The following ASAP1 variants were observed in gnomAD, a reference collection of about 807,000 sequenced individuals.
ASAP1 encodes the protein ArfGAP with SH3 domain, ankyrin repeat and PH domain 1, also known as arf-GAP with SH3 domain, ANK repeat and PH domain-containing protein 1.
A neutral mutation model predicts 145.2 loss-of-function variants in ASAP1; 43 were observed. That is an observed-to-expected ratio of 0.30 (90% confidence interval 0.23 to 0.38). The LOEUF (loss-of-function observed/expected upper bound fraction) is 0.38. Among genes scored for constraint, ASAP1 ranks in the 10% least tolerant of loss-of-function variants. ASAP1 has a pLI of 1.00. For missense variants in ASAP1, 1,018 were observed against 1,355.3 expected (o/e 0.75, Z 3.91); for synonymous variants, 546 against 515.5 (o/e 1.06, Z -0.80).
intron 3 of ASAP1, among the ~76,000 whole-genome samples, chr8:130,343,208 T>A (rs1398746487): frequency 6.6e-6 from 1 of 152,164 alleles, no homozygotes; most frequent in Non-Finnish European, 1.5e-5. Flanking sequence ...ACAAACTTAT[T>A]TCCATGGTAA....
chr8:130,228,362 C>T (rs912437457), intron 4 of ASAP1, among the ~76,000 whole-genome samples: 9 of 152,090 alleles, frequency 5.9e-5, no homozygotes, highest in African/African-American at 1.7e-4. Flanking sequence ...CCACAGAGAA[C>T]ACAGATGTGC....
At chr8:130,073,566 G>A (rs1592740122) in intron 27 of ASAP1, among the ~76,000 whole-genome samples, 1 of 152,208 alleles carries the variant, frequency 6.6e-6, no homozygotes, top group East Asian at 1.9e-4. Flanking sequence ...TAAGGGGGTC[G>A]GGAAGGAACT....
At chr8:130,385,252 G>A (rs2138426754) in intron 2 of ASAP1, among the ~76,000 whole-genome samples, 1 of 152,294 alleles carries the variant, frequency 6.6e-6, no homozygotes, top group East Asian at 1.9e-4. Flanking sequence ...GATCACTTGA[G>A]GTCAGGAGTT....
chr8:130,138,288 A>T (rs1259354274), intron 13 of ASAP1, among the ~76,000 whole-genome samples: 2 of 152,246 alleles, frequency 1.3e-5, no homozygotes, highest in Non-Finnish European at 2.9e-5. Flanking sequence ...CAATGAGATT[A>T]AACATAGAAA....
intron 4 of ASAP1, among the ~76,000 whole-genome samples, chr8:130,216,477 C>T (rs1816936159): frequency 6.6e-6 from 1 of 152,146 alleles, no homozygotes; most frequent in South Asian, 2.1e-4. Flanking sequence ...AACAATAACC[C>T]CCACTGCCTT....
intron 2 of ASAP1, among the ~76,000 whole-genome samples, chr8:130,364,066 T>TA (rs1565250566): frequency 3.3e-5 from 5 of 151,980 alleles, no homozygotes; most frequent in African/African-American, 4.8e-5. Context: ...TAATAATAAT[T>TA]AAAAAAAGCC....
In ASAP1 at chr8:130,112,253, G is replaced by C. The variant is rs1394159955; in HGVS notation, c.2242C>G (p.Gln748Glu). 2.5e-6 allele frequency: 4 copies of C among 1,614,008 alleles called. No homozygotes were observed. Among genetic ancestry groups the C allele is most frequent in the Non-Finnish European group, 3.4e-6 (4 of 1,179,994 alleles). ...AATCCTGGCAGTGCCAGCTTGTCCT[G>C]GGGGGAGATGCTGGAGGAGTGGCAG... ...SFCHSSSISP[Q>E]DKLALPGFST... Residue 748 changes from glutamine to glutamate, a missense_variant, in exon 24 of 30, where the codon CAG (glutamine) becomes GAG (glutamate). Transcript: ENST00000518721.
chr8:130,294,306 T>G (rs530006518), intron 3 of ASAP1, among the ~76,000 whole-genome samples: 14 of 152,328 alleles, frequency 9.2e-5, no homozygotes, highest in African/African-American at 3.4e-4. Context: ...TGAATGAGGG[T>G]AATGCCACGG....
At chr8:130,336,570 T>C (rs756816367) in intron 3 of ASAP1, among the ~76,000 whole-genome samples, 9 of 152,150 alleles carry the variant, frequency 5.9e-5, no homozygotes, top group African/African-American at 2.2e-4. Context: ...GCACTTTACA[T>C]GGGTAAAAGA....
intron 5 of ASAP1, among the ~76,000 whole-genome samples, chr8:130,193,857 C>CT (rs1386568090): frequency 1.1e-4 from 17 of 151,966 alleles, no homozygotes; most frequent in African/African-American, 2.9e-4. Flanking sequence ...ACAGTAAATC[C>CT]TTTTTTTTAA....
At chr8:130,070,562 A>C (rs1296493457) in intron 27 of ASAP1, among the ~76,000 whole-genome samples, 1 of 151,992 alleles carries the variant, frequency 6.6e-6, no homozygotes, top group Non-Finnish European at 1.5e-5. Flanking sequence ...GCTTATGGCA[A>C]AAGTGTTTTG....
chr8:130,376,749 A>T (rs889075415), intron 2 of ASAP1, among the ~76,000 whole-genome samples: 5 of 151,746 alleles, frequency 3.3e-5, no homozygotes, highest in South Asian at 4.2e-4. Flanking sequence ...AATAAATAAA[A>T]TAAATTAGCT....
intron 3 of ASAP1, among the ~76,000 whole-genome samples, chr8:130,336,907 A>C (rs2137862814): frequency 6.6e-6 from 1 of 152,322 alleles, no homozygotes; most frequent in East Asian, 1.9e-4. Context: ...CATAAACTAT[A>C]AATTTATGAA....
rs955595212 is a variant in ASAP1, at chr8:130,358,642, T to G, written c.60-499A>C. Among the ~76,000 whole-genome samples the G allele has an allele frequency of 6.8e-6, 1 of 146,750 alleles. No homozygotes were observed. Among genetic ancestry groups the G allele is most frequent in the African/African-American group, 2.5e-5 (1 of 40,786 alleles). ...GCGGGCGGGCGGGCGGCGCTCGCGC[T>G]GCAGTCACGGGGCCAAACAAGGAAG... On this transcript the variant is annotated intron_variant, in intron 2 of 29. Coordinates refer to ENST00000518721, the MANE Select transcript of ASAP1 (RefSeq NM_018482.4). This position sits in a 1 kb window ranked among gnomAD's most constrained non-coding sequence, Gnocchi z 4.1.
rs530823521 is a variant in ASAP1 at position 130,137,666 on chromosome 8, AG to A, written c.1081-629del. Among the ~76,000 whole-genome samples, 326 of 152,352 alleles carry A rather than the reference AG, an allele frequency of 2.1e-3. 1 individual carries two copies. The highest frequency in any genetic ancestry group is 7.5e-3 in the African/African-American group (313 of 41,590). ...AGTACAATGACAATTACTACCTGTGAGGCAATGCTTAATGAACCCCAATATC... is the reference window on the plus strand; with the variant it reads ...AGTACAATGACAATTACTACCTGTGAGCAATGCTTAATGAACCCCAATATC... On this transcript the variant is annotated intron_variant, in intron 13 of 29. Transcript: ENST00000518721.
chr8:130,356,717 G>C (rs1334957289), intron 3 of ASAP1, among the ~76,000 whole-genome samples: 6 of 152,106 alleles, frequency 3.9e-5, no homozygotes, highest in Admixed American at 3.9e-4. Context: ...AGGCCAGATG[G>C]GACCCAGCAC....
In ASAP1 at chr8:130,358,268, G is replaced by T. The variant is rs1450889393; in HGVS notation, c.60-125C>A. On this transcript the variant is annotated intron_variant, in intron 2 of 29. Coordinates refer to ENST00000518721, the MANE Select transcript of ASAP1 (RefSeq NM_018482.4). This position sits in a 1 kb window ranked among gnomAD's most constrained non-coding sequence, Gnocchi z 4.1. Reference sequence around the variant, plus strand: ...AGCCCGCCACCCGCCGCCCGGCCTGGCGCGCGGCTCCCGTCCCCGGCAGCG... The same window carrying T: ...AGCCCGCCACCCGCCGCCCGGCCTGTCGCGCGGCTCCCGTCCCCGGCAGCG... 1 of 686,114 alleles carries T rather than the reference G, an allele frequency of 1.5e-6. No individual in the cohort carries two copies. Among genetic ancestry groups the T allele is most frequent in the Admixed American group, 5.5e-5 (1 of 18,042 alleles). 42.5% of individuals were successfully genotyped at this position (686,114 alleles called of 1,614,324 possible).
rs61591724 is a variant in ASAP1 at position 130,097,126 on chromosome 8, CAAAAAAAAAAA to C, written c.2402-4994_2402-4984del. ...AGGAGACAGAGTGACAGTTAGTCTC[CAAAAAAAAAAA>C]AAAAAAAAAAAAAAAAAAAAAAAAG... On this transcript the variant is annotated intron_variant, in intron 24 of 29. Transcript: ENST00000518721. Among the ~76,000 whole-genome samples the C allele has an allele frequency of 3.0e-3, 161 of 53,564 alleles. 1 individual carries two copies. Among genetic ancestry groups the C allele is most frequent in the African/African-American group, 0.011 (132 of 12,340 alleles). The allele number at this position is 53,564 out of a possible 152,430, so 35.1% of individuals were successfully genotyped here. A position where few individuals can be genotyped will look rare whatever the true frequency, so the allele number is the denominator to read the frequency against.
chr8:130,074,232 T>C (rs914851025), intron 27 of ASAP1, among the ~76,000 whole-genome samples: 7 of 152,052 alleles, frequency 4.6e-5, no homozygotes, highest in African/African-American at 1.7e-4. Flanking sequence ...AGTAATAGAA[T>C]TGCGTATGTA....
Sources: gnomAD v4.1 joint callset for allele counts (sites outside exome capture counted in the v4.1 genomes callset) on GRCh38, gnomAD v4.1.1 for gene constraint, Gnocchi (gnomAD v3.1) non-coding constraint, MANE v1.5 for transcripts, NCBI Gene and HGNC (gene_info 2026-07-23, HGNC 2026-07-21) for gene names.